The following RPS6KA2 variants were observed in gnomAD, a reference collection of about 807,000 sequenced individuals.
The protein encoded by RPS6KA2 is ribosomal protein S6 kinase A2.
RPS6KA2 carries 42 observed loss-of-function variants against 91.8 expected under a neutral mutation model. That is an observed-to-expected ratio of 0.46 (90% CI 0.36 to 0.59). The LOEUF (loss-of-function observed/expected upper bound fraction) is 0.59. RPS6KA2 is among the 20% of genes least tolerant of loss of function. The pLI is 0.00. For synonymous variants in RPS6KA2, 414 were observed against 393.6 expected, an observed-to-expected ratio of 1.05 and a Z score of -0.61; for missense variants, 798 against 978.5, an observed-to-expected ratio of 0.82 and a Z score of 2.46.
intron 2 of RPS6KA2, among the ~76,000 whole-genome samples, chr6:166,652,906 C>T (rs1438353490): frequency 2.0e-5 from 3 of 152,230 alleles, no homozygotes; most frequent in Admixed American, 6.5e-5. Flanking sequence ...CTCCCTGCCT[C>T]GTGCCTTGGG....
chr6:166,456,754 G>C (rs1780119163), intron 12 of RPS6KA2, among the ~76,000 whole-genome samples: 1 of 152,190 alleles, frequency 6.6e-6, no homozygotes, highest in Non-Finnish European at 1.5e-5. Flanking sequence ...GTACAAATCA[G>C]AATGAGTTTA....
rs965997147 is a variant in RPS6KA2 at position 166,495,779 on chromosome 6, G to A, written c.747+2729C>T. ...ACGTTAGAGCAGTGGCAAGCCAGGA[G>A]TGCTGAGAAGACACCGAAGCCAGAG... On this transcript the variant is annotated intron_variant, in intron 8 of 20. Transcript: ENST00000265678. This position sits in a 1 kb window ranked among gnomAD's most constrained non-coding sequence, Gnocchi z 4.4. Among the ~76,000 whole-genome samples, 2 of 152,224 alleles carry A rather than the reference G, an allele frequency of 1.3e-5. No individual in the cohort carries two copies. Among genetic ancestry groups the A allele is most frequent in the Admixed American group, 6.5e-5 (1 of 15,288 alleles).
chr6:166,779,085 C>A (rs1294927352), intron 2 of RPS6KA2, among the ~76,000 whole-genome samples: 2 of 152,168 alleles, frequency 1.3e-5, no homozygotes, highest in Non-Finnish European at 2.9e-5. Flanking sequence ...GAGACAGGTG[C>A]GAGCTTTCTC....
At chr6:166,460,017 G>C (rs531074183) in intron 11 of RPS6KA2, among the ~76,000 whole-genome samples, 4 of 152,180 alleles carry the variant, frequency 2.6e-5, no homozygotes, top group Non-Finnish European at 5.9e-5. Context: ...TCAGCTCTGC[G>C]GGGCACTGCA....
intron 1 of RPS6KA2, among the ~76,000 whole-genome samples, chr6:166,550,239 T>C (rs767634938): frequency 2.6e-5 from 4 of 152,212 alleles, no homozygotes; most frequent in Non-Finnish European, 5.9e-5. Context: ...TTTAAAATGA[T>C]AAACTATGCG....
chr6:166,545,233 T>A (rs1430999522), intron 1 of RPS6KA2, among the ~76,000 whole-genome samples: 1 of 152,192 alleles, frequency 6.6e-6, no homozygotes, highest in Non-Finnish European at 1.5e-5. Flanking sequence ...TGCCGCAGAA[T>A]CCGCGGAGGG....
At chr6:166,466,036 G>T (rs1199855038) in intron 11 of RPS6KA2, among the ~76,000 whole-genome samples, 1 of 152,174 alleles carries the variant, frequency 6.6e-6, no homozygotes. Flanking sequence ...AAGGAAACAC[G>T]CCTGGTTCTG....
rs1318699821 is a variant in RPS6KA2, at chr6:166,773,128, C to A, written c.123+85072G>T. Among the ~76,000 whole-genome samples, 4 of 152,286 alleles carry A rather than the reference C, an allele frequency of 2.6e-5. No homozygotes were observed. In the East Asian group the frequency reaches 7.7e-4, roughly 29 times the overall value. On this transcript the variant is annotated intron_variant, in intron 2 of 21. Coordinates refer to the RPS6KA2 transcript ENST00000503859. The stretch of plus-strand genomic sequence containing the variant: ...GCAGCTTCCAGCTCCAGAAGGAAAT[C>A]CCAGCTCCTCTACTACTCCTTTCCG...
chr6:166,476,315 G>T (rs1780973146), intron 10 of RPS6KA2, among the ~76,000 whole-genome samples: 1 of 152,166 alleles, frequency 6.6e-6, no homozygotes, highest in Admixed American at 6.5e-5. Context: ...AGAGCTGCGG[G>T]AGGACACATT....
intron 1 of RPS6KA2, among the ~76,000 whole-genome samples, chr6:166,559,584 T>G (rs1784279500): frequency 1.3e-5 from 2 of 152,222 alleles, no homozygotes; most frequent in African/African-American, 4.8e-5. Flanking sequence ...TGAGTAAGTT[T>G]CAGTAACTTG....
At chr6:166,739,351 T>A (rs16899365) in intron 2 of RPS6KA2, among the ~76,000 whole-genome samples, 1 of 152,202 alleles carries the variant, frequency 6.6e-6, no homozygotes, top group African/African-American at 2.4e-5. Flanking sequence ...TAGGAAACCC[T>A]CTAGGTAAGG....
chr6:166,492,841 G>A (rs566456643), intron 8 of RPS6KA2, among the ~76,000 whole-genome samples: 18 of 149,430 alleles, frequency 1.2e-4, no homozygotes, highest in African/African-American at 3.5e-4. Context: ...TCCACCTCCC[G>A]AGTAGCTGGG....
intron 2 of RPS6KA2, among the ~76,000 whole-genome samples, chr6:166,805,501 G>T (rs1779470890): frequency 6.6e-6 from 1 of 152,170 alleles, no homozygotes; most frequent in African/African-American, 2.4e-5. Flanking sequence ...AGAAGCAACT[G>T]CATATGCAGG....
intron 2 of RPS6KA2, among the ~76,000 whole-genome samples, chr6:166,765,603 CT>C (rs1778290507): frequency 6.6e-6 from 1 of 152,218 alleles, no homozygotes; most frequent in Admixed American, 6.5e-5. Context: ...CTCTTATTTT[CT>C]GAGACCTCGA....
chr6:166,757,893 T>C, intron 2 of RPS6KA2: 3 of 253,194 alleles, frequency 1.2e-5, no homozygotes, highest in South Asian at 8.0e-5. Context: ...GGCCTTCTCC[T>C]CTGATGAGAA....
At chr6:166,845,384 T>C (rs577671736) in intron 2 of RPS6KA2, among the ~76,000 whole-genome samples, 1 of 152,132 alleles carries the variant, frequency 6.6e-6, no homozygotes, top group Non-Finnish European at 1.5e-5. Context: ...TTACAGAACA[T>C]CCTGCCCAAC....
intron 3 of RPS6KA2, among the ~76,000 whole-genome samples, chr6:166,517,577 G>A (rs897671737): frequency 1.0e-3 from 149 of 143,238 alleles, no homozygotes; most frequent in African/African-American, 3.7e-3. Context: ...CCGGGTTCAC[G>A]CCATTCTCCT....
chr6:166,781,257 C>G (rs187575361), intron 2 of RPS6KA2, among the ~76,000 whole-genome samples: 1 of 152,166 alleles, frequency 6.6e-6, no homozygotes, highest in Non-Finnish European at 1.5e-5. Context: ...AACTAGGAAC[C>G]GCATTTCACT....
intron 6 of RPS6KA2, among the ~76,000 whole-genome samples, chr6:166,502,948 G>T (rs1782075506): frequency 6.6e-6 from 1 of 152,166 alleles, no homozygotes; most frequent in Admixed American, 6.5e-5. Flanking sequence ...AGGATTTGGG[G>T]ATTTTGCAAT....
Sources: gnomAD v4.1 joint callset for allele counts (sites outside exome capture counted in the v4.1 genomes callset) on GRCh38, gnomAD v4.1.1 for gene constraint, Gnocchi (gnomAD v3.1) non-coding constraint, MANE v1.5 for transcripts, NCBI Gene and HGNC (gene_info 2026-07-23, HGNC 2026-07-21) for gene names.